The following ATG5 variants were observed in gnomAD, a reference collection of about 807,000 sequenced individuals.
The protein encoded by ATG5 is autophagy related 5, also known as autophagy protein 5.
Under a neutral mutation model 36.5 loss-of-function variants are expected in ATG5, and 14 were observed. The ratio of observed to expected loss-of-function variants is 0.38; its 90% CI spans 0.25 to 0.60. The LOEUF (loss-of-function observed/expected upper bound fraction) is 0.60. Among genes scored for constraint, ATG5 ranks in the 20% least tolerant of loss-of-function variants. The pLI is 0.60. For synonymous variants in ATG5, 95 were observed against 101.5 expected (o/e 0.94, Z 0.38); for missense variants, 195 against 326.7 (o/e 0.60, Z 3.11).
intron 5 of ATG5, among the ~76,000 whole-genome samples, chr6:106,270,772 A>AT (rs1779424334): frequency 6.6e-6 from 1 of 152,060 alleles, no homozygotes; most frequent in Non-Finnish European, 1.5e-5. Context: ...TTTACTTCCC[A>AT]TCTCATTATC....
At chr6:106,236,926 G>A (rs1777926572) in intron 6 of ATG5, among the ~76,000 whole-genome samples, 1 of 152,062 alleles carries the variant, frequency 6.6e-6, no homozygotes, top group Non-Finnish European at 1.5e-5. Context: ...GTGTATGCAT[G>A]CACATACATC....
rs187511601 is a variant in ATG5 at position 106,201,946 on chromosome 6, T to C, written c.691+26A>G. On this transcript the variant is annotated intron_variant, in intron 7 of 7. Transcript: ENST00000369076. ...CTTCAGTAACAGAAAATGAAAGAAA[T>C]GTTTTAATGTTGCTGATTGTATTAC... 253 of 1,501,672 alleles carry C rather than the reference T, an allele frequency of 1.7e-4. No homozygotes were observed. The African/African-American group carries it at 3.1e-3, about 19-fold the overall frequency. 93.0% of individuals were successfully genotyped at this position (1,501,672 alleles called of 1,614,324 possible). A position where few individuals can be genotyped will look rare whatever the true frequency, so the allele number is the denominator to read the frequency against.
intron 6 of ATG5, among the ~76,000 whole-genome samples, chr6:106,206,240 C>T (rs748445794): frequency 2.7e-5 from 4 of 150,078 alleles, no homozygotes; most frequent in African/African-American, 9.8e-5. Flanking sequence ...AGGCTTTTGC[C>T]CCTTCTGCCA....
chr6:106,287,865 A>G lies in ATG5; in HGVS notation c.315+5163T>C, dbSNP rs201276950. 3.2e-4 allele frequency among the ~76,000 whole-genome samples: 48 copies of G among 152,232 alleles called. 4 individuals carry two copies. In the East Asian group the frequency reaches 9.3e-3, roughly 29 times the overall value. Reference sequence around the variant, plus strand: ...ATGTCGCTTTGCAAGCAGCATGCCTATAGAATTAATGAAAAAAAATACAGA... The same window carrying G: ...ATGTCGCTTTGCAAGCAGCATGCCTGTAGAATTAATGAAAAAAAATACAGA... On this transcript the variant is annotated intron_variant, in intron 4 of 7. Coordinates refer to ENST00000369076, the MANE Select transcript of ATG5 (RefSeq NM_004849.4).
In ATG5 at chr6:106,209,643, T is replaced by C. The variant is rs114796844; in HGVS notation, c.574-7554A>G. On this transcript the variant is annotated intron_variant, in intron 6 of 7. Coordinates refer to ENST00000369076, the MANE Select transcript of ATG5 (RefSeq NM_004849.4). Reference sequence around the variant, plus strand: ...ATTTACATATGTGATAAAGATTGCATAGAACTAAATACACACACACAGTAT... The same window carrying C: ...ATTTACATATGTGATAAAGATTGCACAGAACTAAATACACACACACAGTAT... Among the ~76,000 whole-genome samples the C allele has an allele frequency of 2.1e-3, 313 of 152,302 alleles. 3 individuals carry two copies. The highest frequency in any genetic ancestry group is 6.6e-3 in the African/African-American group (276 of 41,558).
chr6:106,191,091 A>C (rs1458720297), intron 7 of ATG5, among the ~76,000 whole-genome samples: 8 of 152,206 alleles, frequency 5.3e-5, no homozygotes. Flanking sequence ...ATGGTTTGAA[A>C]ATCTAGCTGA....
chr6:106,197,098 T>C (rs1776225994), intron 7 of ATG5, among the ~76,000 whole-genome samples: 1 of 152,218 alleles, frequency 6.6e-6, no homozygotes, highest in Non-Finnish European at 1.5e-5. Flanking sequence ...CAGAACACAT[T>C]ACTTCCAAAG....
At chr6:106,313,493 T>G (rs1770730993) in intron 2 of ATG5, among the ~76,000 whole-genome samples, 1 of 152,210 alleles carries the variant, frequency 6.6e-6, no homozygotes, top group Non-Finnish European at 1.5e-5. Flanking sequence ...GCAATCCAAA[T>G]GAGTATATGT....
At chr6:106,268,555 T>C (rs532554269) in intron 5 of ATG5, among the ~76,000 whole-genome samples, 1 of 152,336 alleles carries the variant, frequency 6.6e-6, no homozygotes, top group Non-Finnish European at 1.5e-5. Flanking sequence ...TAAATCATTC[T>C]ACTATAAAGA....
chr6:106,292,983 T>C, intron 4 of ATG5, 45 bp downstream of exon 4: 2 of 1,468,470 alleles, frequency 1.4e-6, no homozygotes, highest in Non-Finnish European at 1.9e-6. Context: ...AGTCTATTTA[T>C]TATGTATCAC....
At chr6:106,201,867 G>T (rs1232656656) in intron 7 of ATG5, 105 bp downstream of exon 7, 3 of 803,090 alleles carry the variant, frequency 3.7e-6, no homozygotes, top group Non-Finnish European at 5.7e-6. Context: ...TGTAAGATAT[G>T]AAAATATCTT....
chr6:106,233,526 C>T (rs1259166712), intron 6 of ATG5, among the ~76,000 whole-genome samples: 2 of 152,192 alleles, frequency 1.3e-5, no homozygotes, highest in African/African-American at 2.4e-5. Context: ...AGTCCTTACA[C>T]AGGTCGATGA....
intron 6 of ATG5, among the ~76,000 whole-genome samples, chr6:106,220,036 G>A (rs1446037733): frequency 2.0e-5 from 3 of 151,882 alleles, no homozygotes; most frequent in Non-Finnish European, 4.4e-5. Context: ...TTTTTAAAAA[G>A]CTAACCATTG....
chr6:106,315,781 T>C (rs3810872), intron 2 of ATG5, among the ~76,000 whole-genome samples: 11,425 of 152,172 alleles, frequency 0.075, 736 homozygotes, highest in Admixed American at 0.22. Context: ...ACATTTATTA[T>C]ATATGAATAT....
At chr6:106,219,700 C>T (rs1777168378) in intron 6 of ATG5, among the ~76,000 whole-genome samples, 1 of 152,132 alleles carries the variant, frequency 6.6e-6, no homozygotes, top group Admixed American at 6.5e-5. Flanking sequence ...ACTAATCACC[C>T]AGAGGTATCG....
chr6:106,323,260 C>CTTTTT lies in ATG5; in HGVS notation c.-59+2261_-59+2265dup, dbSNP rs71274321. On this transcript the variant is annotated intron_variant, in intron 1 of 7. Transcript: ENST00000369076. ...TTCCGTTTCGCTAAGTGGAAAAGTC[C>CTTTTT]TTTTTTTTTTTTTTTTTTTTTTTTT... is the stretch of plus-strand genomic sequence containing the variant. Among the ~76,000 whole-genome samples the CTTTTT allele has an allele frequency of 3.1e-4, 20 of 64,228 alleles. 2 individuals carry two copies. The highest frequency in any genetic ancestry group is 1.3e-3 in the African/African-American group (20 of 15,122). The allele number at this position is 64,228 out of a possible 152,430, so 42.1% of individuals were successfully genotyped here.
At chr6:106,227,269 A>C (rs985774861) in intron 6 of ATG5, among the ~76,000 whole-genome samples, 9 of 152,204 alleles carry the variant, frequency 5.9e-5, no homozygotes, top group African/African-American at 1.7e-4. Flanking sequence ...GTCAATAGGC[A>C]ATCAGATGAC....
intron 5 of ATG5, among the ~76,000 whole-genome samples, chr6:106,266,794 T>C (rs144502925): frequency 6.6e-6 from 1 of 152,288 alleles, no homozygotes; most frequent in African/African-American, 2.4e-5. Context: ...TTAGGTAAAA[T>C]TCAACATCCC....
intron 1 of ATG5, chr6:106,325,308 G>A (rs1016344714): frequency 6.6e-6 from 1 of 152,412 alleles, no homozygotes; most frequent in African/African-American, 2.4e-5. Flanking sequence ...CCCCAAGAGG[G>A]ACCCCGCAGG....
Sources: allele counts gnomAD v4.1 joint callset (sites outside exome capture counted in the v4.1 genomes callset), GRCh38; gene constraint gnomAD v4.1.1; transcripts MANE v1.5; gene names NCBI Gene and HGNC (gene_info 2026-07-23, HGNC 2026-07-21).